Variants in ROBO1 observed in about 807,000 individuals in gnomAD.
ROBO1 encodes roundabout guidance receptor 1, also known as roundabout homolog 1.
In ROBO1, 149 loss-of-function variants were observed where a neutral mutation model predicts 195.9. That is an observed-to-expected ratio of 0.76 (90% CI 0.67 to 0.87). The LOEUF (loss-of-function observed/expected upper bound fraction) is 0.87, where lower values mean the gene tolerates loss of function less well. ROBO1 is among the 40% of genes least tolerant of loss of function. The pLI, the probability that ROBO1 is intolerant of heterozygous loss-of-function variation, is 0.00. For missense variants in ROBO1, 1,933 were observed against 2,068.3 expected, an observed-to-expected ratio of 0.93 and a Z score of 1.27; for synonymous variants, 816 against 733.2, an observed-to-expected ratio of 1.11 and a Z score of -1.82.
At chr3:79,405,636 A>G (rs2037516966) in intron 2 of ROBO1, among the ~76,000 whole-genome samples, 1 of 152,196 alleles carries the variant, frequency 6.6e-6, no homozygotes, top group Non-Finnish European at 1.5e-5. Context: ...TCAACATTGC[A>G]AGAATATTTT....
rs193152705 is a variant in ROBO1 at position 79,438,862 on chromosome 3, G to A, written c.88+150962C>T. ...GTTTGCTCCCTGAGTGAAAAATCAT[G>A]CTTCAAATTGATTCATAGATCTGGC... On this transcript the variant is annotated intron_variant, in intron 2 of 30. Transcript: ENST00000464233. Among the ~76,000 whole-genome samples, 450 of 151,994 alleles carry A rather than the reference G, an allele frequency of 3.0e-3. 2 individuals are homozygous for A. The highest frequency in any genetic ancestry group is 9.5e-3 in the African/African-American group (393 of 41,498).
intron 4 of ROBO1, among the ~76,000 whole-genome samples, chr3:78,849,831 TACACACACACACAC>T (rs576994363): frequency 2.5e-5 from 2 of 79,622 alleles, no homozygotes; most frequent in East Asian, 9.3e-4. Flanking sequence ...TCTCTCCCAT[TACACACACACACAC>T]ACACACACAC....
At chr3:78,753,733 G>A (rs1032956855) in intron 4 of ROBO1, among the ~76,000 whole-genome samples, 1 of 152,096 alleles carries the variant, frequency 6.6e-6, no homozygotes, top group Non-Finnish European at 1.5e-5. Context: ...TCCCCAACCT[G>A]TGTCCATGTG....
At chr3:79,620,950 T>A (rs565957741) in intron 1 of ROBO1, among the ~76,000 whole-genome samples, 66 of 152,270 alleles carry the variant, frequency 4.3e-4, no homozygotes, top group Admixed American at 1.8e-3. Flanking sequence ...CCAGGATCTT[T>A]GCCTTATCAA....
intron 5 of ROBO1, among the ~76,000 whole-genome samples, chr3:78,733,463 T>C (rs1559797999): frequency 6.6e-6 from 1 of 152,178 alleles, no homozygotes; most frequent in East Asian, 1.9e-4. Context: ...ATGCCGTCCA[T>C]ACTATCATAA....
intron 19 of ROBO1, among the ~76,000 whole-genome samples, chr3:78,651,380 G>A (rs1056616989): frequency 2.6e-5 from 4 of 152,044 alleles, no homozygotes; most frequent in Admixed American, 1.3e-4. Flanking sequence ...CAAAGGTTGC[G>A]TTTATAATTC....
At chr3:79,393,189 T>C (rs1459409617) in intron 2 of ROBO1, among the ~76,000 whole-genome samples, 1 of 152,184 alleles carries the variant, frequency 6.6e-6, no homozygotes, top group Non-Finnish European at 1.5e-5. Flanking sequence ...TGAGCCTACT[T>C]GATGCAATAA....
At chr3:79,241,615 G>C (rs537423776) in intron 2 of ROBO1, among the ~76,000 whole-genome samples, 2 of 150,704 alleles carry the variant, frequency 1.3e-5, no homozygotes, top group Non-Finnish European at 3.0e-5. Flanking sequence ...CTATAATATT[G>C]GGTTATTAAA....
At chr3:78,669,084 TA>T (rs1225227308) in intron 11 of ROBO1, among the ~76,000 whole-genome samples, 2 of 152,168 alleles carry the variant, frequency 1.3e-5, no homozygotes, top group African/African-American at 4.8e-5. Context: ...ACTTGTAACT[TA>T]AGGCAGTTTA....
chr3:78,601,904 G>T (rs186499742), intron 29 of ROBO1, among the ~76,000 whole-genome samples: 9 of 151,974 alleles, frequency 5.9e-5, no homozygotes, highest in Non-Finnish European at 1.3e-4. Flanking sequence ...AATCTTCTGT[G>T]AGCTCTTTTT....
intron 4 of ROBO1, among the ~76,000 whole-genome samples, chr3:78,776,469 T>C (rs2083510235): frequency 6.6e-6 from 1 of 152,080 alleles, no homozygotes; most frequent in Admixed American, 6.5e-5. Context: ...CAGCTGGTCT[T>C]GAACTCCTGA....
intron 2 of ROBO1, among the ~76,000 whole-genome samples, chr3:79,504,639 G>C (rs1940291751): frequency 6.6e-6 from 1 of 152,104 alleles, no homozygotes; most frequent in South Asian, 2.1e-4. Context: ...ACCATTGGCA[G>C]ACTCATAATT....
chr3:78,922,712 C>A (rs1005748995), intron 4 of ROBO1, among the ~76,000 whole-genome samples: 3 of 150,664 alleles, frequency 2.0e-5, no homozygotes, highest in African/African-American at 4.9e-5. Flanking sequence ...CGGGTTCAAG[C>A]GATTCTCCTG....
At chr3:78,717,716 T>C (rs370102359) in intron 6 of ROBO1, 47 bp downstream of exon 6, 8 of 1,592,146 alleles carry the variant, frequency 5.0e-6, no homozygotes, top group South Asian at 1.1e-5. Flanking sequence ...CACAAAATGA[T>C]AAGAGATCTA....
intron 2 of ROBO1, among the ~76,000 whole-genome samples, chr3:79,473,557 A>C (rs1475630029): frequency 6.6e-6 from 1 of 152,078 alleles, no homozygotes; most frequent in Non-Finnish European, 1.5e-5. Context: ...TACATCTTAT[A>C]TTTGAGATCC....
intron 2 of ROBO1, among the ~76,000 whole-genome samples, chr3:79,319,197 T>A (rs2033871164): frequency 6.6e-6 from 1 of 152,166 alleles, no homozygotes; most frequent in African/African-American, 2.4e-5. Context: ...TCTGAAATTT[T>A]GAATTTGGAG....
chr3:79,688,938 T>A (rs1947219106), intron 1 of ROBO1, among the ~76,000 whole-genome samples: 1 of 152,088 alleles, frequency 6.6e-6, no homozygotes, highest in African/African-American at 2.4e-5. Context: ...ATGTATTATA[T>A]TATTCTTAAA....
intron 3 of ROBO1, among the ~76,000 whole-genome samples, chr3:78,986,406 T>C (rs1284544889): frequency 2.0e-5 from 3 of 152,026 alleles, no homozygotes; most frequent in East Asian, 1.9e-4. Context: ...TCTTTTTTTT[T>C]CCTGAGTTGT....
chr3:78,901,733 C>T (rs1332539545), intron 4 of ROBO1, among the ~76,000 whole-genome samples: 1 of 152,112 alleles, frequency 6.6e-6, no homozygotes, highest in Admixed American at 6.5e-5. Flanking sequence ...TTAGAAGACA[C>T]ATTAGCTCTC....
Sources: gnomAD v4.1 joint callset for allele counts (sites outside exome capture counted in the v4.1 genomes callset) on GRCh38, gnomAD v4.1.1 for gene constraint, MANE v1.5 for transcripts, NCBI Gene and HGNC (gene_info 2026-07-23, HGNC 2026-07-21) for gene names.